The following CCSER1 variants were observed in gnomAD, a reference collection of about 807,000 sequenced individuals.
CCSER1 encodes the protein coiled-coil serine rich protein 1.
CCSER1 carries 41 observed loss-of-function variants against 82.0 expected under a neutral mutation model. That is an observed-to-expected ratio of 0.50 (90% CI 0.39 to 0.65). CCSER1 has a LOEUF of 0.65. CCSER1 is among the 30% of genes least tolerant of loss of function. The pLI, the probability that CCSER1 is intolerant of heterozygous loss-of-function variation, is 0.00. For synonymous variants in CCSER1, 414 were observed against 383.9 expected, an observed-to-expected ratio of 1.08 and a Z score of -0.92; for missense variants, 1,119 against 1,064.2, an observed-to-expected ratio of 1.05 and a Z score of -0.72.
chr4:90,962,656 C>G (rs771752206), intron 9 of CCSER1, among the ~76,000 whole-genome samples: 61 of 152,060 alleles, frequency 4.0e-4, no homozygotes, highest in Non-Finnish European at 6.5e-4. Context: ...GTGTAATGTT[C>G]AAGCAAGAAA....
chr4:91,154,645 C>T (rs181079154), intron 10 of CCSER1, among the ~76,000 whole-genome samples: 2 of 152,060 alleles, frequency 1.3e-5, no homozygotes, highest in Admixed American at 6.5e-5. Flanking sequence ...GGAGCTCTTC[C>T]TATTTGGCCA....
chr4:91,466,185 A>C (rs1055064946), intron 10 of CCSER1, among the ~76,000 whole-genome samples: 3 of 152,246 alleles, frequency 2.0e-5, no homozygotes, highest in African/African-American at 7.2e-5. Context: ...CCTGGGATGC[A>C]AGGCTGGTTC....
intron 10 of CCSER1, among the ~76,000 whole-genome samples, chr4:91,518,617 G>A (rs1240685019): frequency 1.3e-5 from 2 of 152,058 alleles, no homozygotes; most frequent in Non-Finnish European, 2.9e-5. Flanking sequence ...TGGGTGTTGG[G>A]GCATCAAGGG....
chr4:90,386,526 T>G (rs1750082635), intron 3 of CCSER1, among the ~76,000 whole-genome samples: 1 of 152,052 alleles, frequency 6.6e-6, no homozygotes, highest in African/African-American at 2.4e-5. Context: ...ATATATGACC[T>G]GACCCCATAA....
intron 6 of CCSER1, among the ~76,000 whole-genome samples, chr4:90,702,440 T>C (rs1738358547): frequency 6.6e-6 from 1 of 152,144 alleles, no homozygotes; most frequent in Non-Finnish European, 1.5e-5. Flanking sequence ...TCTCTTTTTT[T>C]GTTTTGTCCC....
chr4:90,357,207 A>G (rs1214291182), intron 3 of CCSER1, among the ~76,000 whole-genome samples: 1 of 151,968 alleles, frequency 6.6e-6, no homozygotes, highest in African/African-American at 2.4e-5. Context: ...ATGGTTTTAA[A>G]AAACCATATT....
At chr4:90,661,357 T>G (rs777267606) in intron 6 of CCSER1, among the ~76,000 whole-genome samples, 5 of 152,204 alleles carry the variant, frequency 3.3e-5, no homozygotes, top group Non-Finnish European at 7.4e-5. Context: ...CATGACTTTA[T>G]TGTCCTTCTG....
intron 6 of CCSER1, among the ~76,000 whole-genome samples, chr4:90,656,975 A>T (rs1056389720): frequency 5.3e-5 from 8 of 152,022 alleles, no homozygotes; most frequent in African/African-American, 1.9e-4. Context: ...CAGATATGTG[A>T]TCATATGCAT....
intron 10 of CCSER1, among the ~76,000 whole-genome samples, chr4:91,343,865 C>A (rs903866074): frequency 6.6e-6 from 1 of 152,060 alleles, no homozygotes; most frequent in African/African-American, 2.4e-5. Context: ...TGGTTTTCCA[C>A]ATGATACTGA....
At chr4:91,120,375 G>A (rs1402470423) in intron 10 of CCSER1, among the ~76,000 whole-genome samples, 1 of 151,900 alleles carries the variant, frequency 6.6e-6, no homozygotes, top group Non-Finnish European at 1.5e-5. Context: ...GATGATGATG[G>A]ATACTGAAAG....
chr4:91,220,139 G>A (rs1445438103), intron 10 of CCSER1, among the ~76,000 whole-genome samples: 1 of 152,148 alleles, frequency 6.6e-6, no homozygotes, highest in Non-Finnish European at 1.5e-5. Flanking sequence ...ATGTTAAAAC[G>A]TAGGCCAAAG....
intron 1 of CCSER1, among the ~76,000 whole-genome samples, chr4:90,234,762 A>G (rs1342233402): frequency 6.6e-6 from 1 of 152,190 alleles, no homozygotes; most frequent in Non-Finnish European, 1.5e-5. Flanking sequence ...TCTTATACAC[A>G]ATAAATTTGA....
chr4:91,004,460 A>C (rs540519400), intron 9 of CCSER1, among the ~76,000 whole-genome samples: 1 of 152,262 alleles, frequency 6.6e-6, no homozygotes, highest in Non-Finnish European at 1.5e-5. Flanking sequence ...ATAAGTGATC[A>C]TGAAATAATT....
intron 9 of CCSER1, among the ~76,000 whole-genome samples, chr4:91,019,623 G>A (rs768440954): frequency 6.6e-6 from 1 of 152,016 alleles, no homozygotes; most frequent in Non-Finnish European, 1.5e-5. Context: ...CCTTTCATAA[G>A]CAGATTTGTA....
At chr4:90,746,052 T>C (rs1747402825) in intron 7 of CCSER1, among the ~76,000 whole-genome samples, 1 of 152,100 alleles carries the variant, frequency 6.6e-6, no homozygotes. Context: ...AACTTGTACT[T>C]TCCATTTAGT....
chr4:90,991,035 G>A (rs900170604), intron 9 of CCSER1, among the ~76,000 whole-genome samples: 1 of 151,854 alleles, frequency 6.6e-6, no homozygotes, highest in Non-Finnish European at 1.5e-5. Context: ...GGCAGGTGTT[G>A]GGGCCCAGGA....
intron 1 of CCSER1, among the ~76,000 whole-genome samples, chr4:90,140,851 GA>G (rs1025171181): frequency 4.6e-5 from 7 of 151,458 alleles, no homozygotes; most frequent in African/African-American, 1.7e-4. Flanking sequence ...ATTTTTAGTA[GA>G]GATGGGGTTT....
intron 9 of CCSER1, among the ~76,000 whole-genome samples, chr4:91,077,257 C>G (rs1222450257): frequency 6.6e-6 from 1 of 152,142 alleles, no homozygotes; most frequent in Non-Finnish European, 1.5e-5. Context: ...ACTTCAGACT[C>G]ACCCTAAAAA....
chr4:90,946,775 A>G (rs1313930126), intron 9 of CCSER1, among the ~76,000 whole-genome samples: 7 of 152,314 alleles, frequency 4.6e-5, no homozygotes, highest in Admixed American at 4.6e-4. Flanking sequence ...ACCCTTTACC[A>G]CTATACTGTA....
Sources: allele counts gnomAD v4.1 joint callset (sites outside exome capture counted in the v4.1 genomes callset), GRCh38; gene constraint gnomAD v4.1.1; transcripts MANE v1.5; gene names NCBI Gene and HGNC (gene_info 2026-07-23, HGNC 2026-07-21).